The following BCR variants were observed in gnomAD, a reference collection of about 807,000 sequenced individuals.
BCR encodes the protein breakpoint cluster region protein.
A neutral mutation model predicts 138.6 loss-of-function variants in BCR; 58 were observed. The ratio of observed to expected loss-of-function variants is 0.42; its 90% CI spans 0.34 to 0.52. The LOEUF (loss-of-function observed/expected upper bound fraction) is 0.52. BCR is among the 20% of genes least tolerant of loss of function. BCR has a pLI of 0.06. For missense variants in BCR, 1,599 were observed against 1,727.2 expected, an observed-to-expected ratio of 0.93 and a Z score of 1.32; for synonymous variants, 786 against 730.1, an observed-to-expected ratio of 1.08 and a Z score of -1.23.
intron 10 of BCR, among the ~76,000 whole-genome samples, chr22:23,285,545 CA>C (rs886769022): frequency 6.6e-6 from 1 of 152,182 alleles, no homozygotes; most frequent in African/African-American, 2.4e-5. Flanking sequence ...GACCTGTGAC[CA>C]GGGGTCCCTC....
At chr22:23,266,779 G>A (rs529231946) in intron 4 of BCR, among the ~76,000 whole-genome samples, 2 of 152,362 alleles carry the variant, frequency 1.3e-5, no homozygotes, top group Admixed American at 6.5e-5. Context: ...ACAGCAGCGA[G>A]GCTGTGTGCT....
rs1170450051 is a variant in BCR, at chr22:23,205,601, G to A, written c.1279+23362G>A. The stretch of plus-strand genomic sequence containing the variant: ...ACTCAGACAGCCAAAGCCTAGGCAG[G>A]ATCAGAAGCTCAGGCAGCAGAGCCA... On this transcript the variant is annotated intron_variant, in intron 1 of 22. Transcript: ENST00000305877. 3.3e-5 allele frequency among the ~76,000 whole-genome samples: 5 copies of A among 151,892 alleles called. No homozygotes were observed. The South Asian group carries it at 6.2e-4, about 19-fold the overall frequency.
intron 1 of BCR, among the ~76,000 whole-genome samples, chr22:23,210,455 T>G (rs1006039857): frequency 4.6e-5 from 7 of 151,662 alleles, no homozygotes; most frequent in African/African-American, 1.7e-4. Context: ...GCTTGAAAGA[T>G]GTCATGATGT....
chr22:23,263,531 C>T, intron 4 of BCR: 4 of 1,576,892 alleles, frequency 2.5e-6, no homozygotes, highest in Non-Finnish European at 2.6e-6. Flanking sequence ...AGGCTAATTT[C>T]ATCCTGGCCT....
At chr22:23,268,983 C>G (rs1214235794) in intron 5 of BCR, among the ~76,000 whole-genome samples, 2 of 152,250 alleles carry the variant, frequency 1.3e-5, no homozygotes, top group Non-Finnish European at 2.9e-5. Flanking sequence ...CACCTGTGCT[C>G]TGTGGACCCA....
At chr22:23,266,705 G>A (rs2073446505) in intron 4 of BCR, among the ~76,000 whole-genome samples, 2 of 152,206 alleles carry the variant, frequency 1.3e-5, no homozygotes, top group Non-Finnish European at 2.9e-5. Context: ...TTTTTGAAGG[G>A]CACAGGCCCA....
At position 23,273,133 on chromosome 22, in the gene BCR, T is replaced by A. The variant is rs764748754; in HGVS notation, c.1974T>A (p.His658Gln). Residue 658 changes from histidine to glutamine, a missense_variant and splice_region_variant, in exon 7 of 23, where the codon CAT becomes CAA. Physicochemically the swap from His to Gln is conservative, Grantham distance 24. This residue lies in a region of BCR where 590 missense variants were observed against 762.4 expected (regional missense o/e 0.77). Transcript: ENST00000305877. Reference protein sequence around the residue: ...DRVTRSTLVLHDLLKHTPASH... With the variant: ...DRVTRSTLVLQDLLKHTPASH... ...TGACGAGGAGCACGCTGGTCCTCCA[T>A]GTAAGTCACAGCGCCCCTCTGGACC... The A allele has an allele frequency of 6.2e-7, 1 of 1,613,254 alleles. No individual in the cohort carries two copies. Among genetic ancestry groups the A allele is most frequent in the Non-Finnish European group, 8.5e-7 (1 of 1,179,538 alleles).
intron 8 of BCR, among the ~76,000 whole-genome samples, chr22:23,281,390 G>T (rs747526059): frequency 6.6e-6 from 1 of 152,222 alleles, no homozygotes; most frequent in South Asian, 2.1e-4. Flanking sequence ...TGCCCTGGAG[G>T]ACGACTCGGG....
chr22:23,224,899 C>G (rs2072870622), intron 1 of BCR, among the ~76,000 whole-genome samples: 1 of 152,060 alleles, frequency 6.6e-6, no homozygotes, highest in South Asian at 2.1e-4. Context: ...AAAACAAAAC[C>G]TGGACAGAGT....
At chr22:23,254,055 A>T (rs772155976) in intron 2 of BCR, 75 bp downstream of exon 2, 20 of 1,468,756 alleles carry the variant, frequency 1.4e-5, no homozygotes, top group Non-Finnish European at 1.8e-5. Context: ...GCTCAGGGGT[A>T]TGTAGCAGGT....
At chr22:23,294,960 C>T in intron 15 of BCR, 64 bp from the exon 16 acceptor site, 2 of 1,581,396 alleles carry the variant, frequency 1.3e-6, no homozygotes, top group Non-Finnish European at 1.7e-6. Context: ...GTTCAGAGGA[C>T]CCTTCAGCCA....
In BCR at chr22:23,295,011, C is replaced by T. The variant is rs1555883852; in HGVS notation, c.2881-13C>T. 1.9e-6 allele frequency: 3 copies of T among 1,613,640 alleles called. No homozygotes were observed. In the South Asian group the frequency reaches 3.3e-5, roughly 18 times the overall value. ...TGTTCACACTGGACTTCCCTTCTCC[C>T]TTGGGGCTGCAGGAATTTGAGATAG... On this transcript the variant is annotated splice_polypyrimidine_tract_variant and intron_variant, in intron 15 of 22. Coordinates refer to ENST00000305877, the MANE Select transcript of BCR (RefSeq NM_004327.4).
intron 4 of BCR, among the ~76,000 whole-genome samples, chr22:23,265,808 CT>C (rs1333976334): frequency 2.6e-5 from 4 of 152,188 alleles, no homozygotes; most frequent in Admixed American, 2.6e-4. Flanking sequence ...AGTTTTCCCC[CT>C]GAATACTTCA....
At chr22:23,194,614 G>T (rs1044326132) in intron 1 of BCR, among the ~76,000 whole-genome samples, 2 of 151,760 alleles carry the variant, frequency 1.3e-5, no homozygotes, top group Admixed American at 1.3e-4. Context: ...GGGTTTCACC[G>T]TGTTAGCCAG....
At chr22:23,194,855 G>A (rs545867217) in intron 1 of BCR, among the ~76,000 whole-genome samples, 3 of 152,064 alleles carry the variant, frequency 2.0e-5, no homozygotes, top group Admixed American at 6.5e-5. Flanking sequence ...GCGATAGGAT[G>A]GCTTGAGCCC....
At position 23,315,566 on chromosome 22, in the gene BCR, C is replaced by G. The variant is rs1419080110; in HGVS notation, c.*44C>G. 6.3e-7 allele frequency: 1 copy of G among 1,579,560 alleles called. No individual in the cohort carries two copies. Among genetic ancestry groups the G allele is most frequent in the African/African-American group, 1.3e-5 (1 of 74,236 alleles). ...TGGAGGCGGACAGATGGCCTGGAAA[C>G]CTCTGGCTAATCGGGCCATCCGTAG... On this transcript the variant is annotated 3_prime_UTR_variant, in exon 23 of 23. Transcript: ENST00000305877.
At chr22:23,234,241 G>GTTTGGCCA (rs2072996164) in intron 1 of BCR, among the ~76,000 whole-genome samples, 1 of 152,214 alleles carries the variant, frequency 6.6e-6, no homozygotes, top group Non-Finnish European at 1.5e-5. Context: ...TCTGCACCCA[G>GTTTGGCCA]TTTGGCCACC....
intron 1 of BCR, among the ~76,000 whole-genome samples, chr22:23,206,370 C>A (rs142569115): frequency 6.6e-6 from 1 of 151,990 alleles, no homozygotes; most frequent in Non-Finnish European, 1.5e-5. Context: ...GTCAGGAGAT[C>A]GGGACCATCC....
intron 1 of BCR, among the ~76,000 whole-genome samples, chr22:23,251,609 T>C (rs2073229538): frequency 2.0e-5 from 3 of 152,234 alleles, no homozygotes; most frequent in Admixed American, 2.0e-4. Flanking sequence ...CACTTCAGGA[T>C]TGCTGGGTCA....
Sources: allele counts gnomAD v4.1 joint callset (sites outside exome capture counted in the v4.1 genomes callset), GRCh38; gene constraint gnomAD v4.1.1; regional missense constraint gnomAD v4.1.1; transcripts MANE v1.5; gene names NCBI Gene and HGNC (gene_info 2026-07-23, HGNC 2026-07-21).